ARK2C: variants seen among roughly 807,000 people sequenced by gnomAD.
ARK2C encodes the protein E3 ubiquitin-protein ligase ARK2C.
chr18:46,374,351 C>A, the ARK2C span, among the ~76,000 whole-genome samples: 38 of 152,232 alleles, frequency 2.5e-4, no homozygotes, highest in East Asian at 2.5e-3. Flanking sequence ...TTATCTTCAC[C>A]ATCCATCTCC....
chr18:46,461,719 GAGA>G, the ARK2C span: 1 of 151,518 alleles, frequency 6.6e-6, no homozygotes, highest in South Asian at 2.1e-4. Context: ...CAAAGAAGAA[GAGA>G]AGAATAGAGA....
At chr18:46,336,546 G>T in the ARK2C span, 1 of 985,420 alleles carries the variant, frequency 1.0e-6, no homozygotes. Flanking sequence ...GGATACTAAT[G>T]CTTAACTCAA....
At chr18:46,356,145 T>C in the ARK2C span, among the ~76,000 whole-genome samples, 3 of 152,234 alleles carry the variant, frequency 2.0e-5, no homozygotes, top group African/African-American at 4.8e-5. Flanking sequence ...CACTCTGTGA[T>C]ATGCAGAAGC....
the ARK2C span, among the ~76,000 whole-genome samples, chr18:46,437,294 C>T: frequency 9.9e-5 from 15 of 152,212 alleles, no homozygotes; most frequent in South Asian, 1.9e-3. Flanking sequence ...AGCCTAGTGG[C>T]GCCGAGGGGT....
At chr18:46,412,318 C>T in the ARK2C span, among the ~76,000 whole-genome samples, 2 of 152,240 alleles carry the variant, frequency 1.3e-5, no homozygotes. Context: ...CAGAAGCAGA[C>T]CCACAGCCTT....
the ARK2C span, among the ~76,000 whole-genome samples, chr18:46,348,719 A>G: frequency 1.3e-5 from 2 of 152,196 alleles, no homozygotes; most frequent in African/African-American, 4.8e-5. Context: ...TTGTTTCTGC[A>G]GAAAGGTTAC....
chr18:46,405,512 T>C, the ARK2C span, among the ~76,000 whole-genome samples: 1 of 152,072 alleles, frequency 6.6e-6, no homozygotes, highest in Admixed American at 6.6e-5. Flanking sequence ...GGAGTGGCTG[T>C]TGGCGATGTG....
At chr18:46,403,771 G>A in the ARK2C span, among the ~76,000 whole-genome samples, 4 of 152,126 alleles carry the variant, frequency 2.6e-5, no homozygotes, top group Non-Finnish European at 4.4e-5. Flanking sequence ...CCAGCTGCTT[G>A]GGAGGCTGAG....
chr18:46,336,045 G>T, the ARK2C span: 25 of 985,274 alleles, frequency 2.5e-5, no homozygotes, highest in Non-Finnish European at 3.0e-5. Flanking sequence ...GCCTAGCCAT[G>T]GGGGTGAGGG....
the ARK2C span, among the ~76,000 whole-genome samples, chr18:46,449,183 G>A: frequency 1.3e-5 from 2 of 152,144 alleles, no homozygotes; most frequent in Non-Finnish European, 2.9e-5. Flanking sequence ...CTAAGTAACT[G>A]GCCCTGGGAC....
the ARK2C span, chr18:46,337,523 G>C: frequency 1.0e-6 from 1 of 985,278 alleles, no homozygotes. Context: ...CTTTTGTTCT[G>C]TTGCCCTTCC....
chr18:46,378,068 G>A, the ARK2C span, among the ~76,000 whole-genome samples: 12 of 152,180 alleles, frequency 7.9e-5, no homozygotes, highest in African/African-American at 2.9e-4. Flanking sequence ...ATTGAGAAAT[G>A]AGGCCAGTGG....
At chr18:46,349,569 C>G in the ARK2C span, among the ~76,000 whole-genome samples, 2 of 152,178 alleles carry the variant, frequency 1.3e-5, no homozygotes, top group African/African-American at 4.8e-5. Flanking sequence ...GTGAGCTGGC[C>G]TCTCATTCCC....
the ARK2C span, among the ~76,000 whole-genome samples, chr18:46,378,634 G>T: frequency 6.6e-6 from 1 of 152,222 alleles, no homozygotes; most frequent in Non-Finnish European, 1.5e-5. Flanking sequence ...TCAAATAGGA[G>T]TTTGATGAAC....
the ARK2C span, among the ~76,000 whole-genome samples, chr18:46,354,635 C>T: frequency 6.6e-6 from 1 of 152,226 alleles, no homozygotes; most frequent in South Asian, 2.1e-4. Context: ...AGCATCAGCA[C>T]CATGCTAAGA....
At chr18:46,433,532 G>C in the ARK2C span, 1 of 1,563,106 alleles carries the variant, frequency 6.4e-7, no homozygotes, top group Non-Finnish European at 8.7e-7. Flanking sequence ...GCGGAGGTGG[G>C]GACCCGGATG....
chr18:46,378,319 G>A, the ARK2C span, among the ~76,000 whole-genome samples: 4 of 152,132 alleles, frequency 2.6e-5, no homozygotes, highest in African/African-American at 9.7e-5. Flanking sequence ...TGGGAAAACC[G>A]AGGCTGGGTG....
chr18:46,350,527 C>T, the ARK2C span, among the ~76,000 whole-genome samples: 13 of 152,160 alleles, frequency 8.5e-5, no homozygotes, highest in African/African-American at 2.4e-4. Flanking sequence ...TGGTCAGGAG[C>T]GCCCCCAACC....
At chr18:46,444,266 C>T in the ARK2C span, among the ~76,000 whole-genome samples, 15 of 151,932 alleles carry the variant, frequency 9.9e-5, no homozygotes, top group African/African-American at 3.1e-4. Flanking sequence ...TAAAGTTTAT[C>T]GAACTTTTTG....
Sources: gnomAD v4.1 joint callset for allele counts (sites outside exome capture counted in the v4.1 genomes callset) on GRCh38, gnomAD v4.1.1 for gene constraint, MANE v1.5 for transcripts, NCBI Gene and HGNC (gene_info 2026-07-23, HGNC 2026-07-21) for gene names.